Variants in TNKS observed in about 807,000 individuals in gnomAD.
The protein encoded by TNKS is poly [ADP-ribose] polymerase tankyrase-1.
Under a neutral mutation model 135.8 loss-of-function variants are expected in TNKS, and 72 were observed. The ratio of observed to expected loss-of-function variants is 0.53; its 90% CI spans 0.44 to 0.64. TNKS has a LOEUF of 0.64. Ranked by LOEUF, TNKS falls within the 30% of genes least tolerant of loss-of-function variation. TNKS has a pLI of 0.00. For missense variants in TNKS, 1,769 were observed against 1,674.0 expected (o/e 1.06, Z -0.99); for synonymous variants, 849 against 649.3 (o/e 1.31, Z -4.68).
At chr8:9,701,918 A>G (rs1479320129) in intron 5 of TNKS, among the ~76,000 whole-genome samples, 2 of 152,174 alleles carry the variant, frequency 1.3e-5, no homozygotes, top group African/African-American at 4.8e-5. Flanking sequence ...TGAGGCTAGT[A>G]AAAGAACCAC....
chr8:9,712,056 T>A (rs1005303278), intron 11 of TNKS, among the ~76,000 whole-genome samples: 4 of 152,242 alleles, frequency 2.6e-5, no homozygotes, highest in Non-Finnish European at 5.9e-5. Context: ...GCATAATTAG[T>A]AAATTACATT....
intron 20 of TNKS, among the ~76,000 whole-genome samples, chr8:9,757,601 G>A (rs993997623): frequency 6.6e-6 from 1 of 151,886 alleles, no homozygotes; most frequent in Non-Finnish European, 1.5e-5. Context: ...CCTTGCAACC[G>A]TGACCAAGCA....
intron 26 of TNKS, among the ~76,000 whole-genome samples, chr8:9,771,030 G>C (rs904968716): frequency 1.3e-5 from 2 of 152,114 alleles, no homozygotes; most frequent in Non-Finnish European, 2.9e-5. Flanking sequence ...GTATTACTAT[G>C]ATCTCATGGT....
intron 2 of TNKS, among the ~76,000 whole-genome samples, chr8:9,612,145 A>C (rs1229293401): frequency 6.6e-6 from 1 of 152,264 alleles, no homozygotes; most frequent in East Asian, 1.9e-4. Flanking sequence ...GGCCCAGAGA[A>C]TTTCTTGTGT....
intron 17 of TNKS, among the ~76,000 whole-genome samples, chr8:9,736,302 G>T (rs1411259643): frequency 7.0e-6 from 1 of 143,834 alleles, no homozygotes; most frequent in Non-Finnish European, 1.5e-5. Context: ...AAGATCGCTT[G>T]AGCCCAGGAG....
At position 9,751,737 on chromosome 8, in the gene TNKS, G is replaced by A. The variant is rs140368048; in HGVS notation, c.2961G>A (p.Ser987=). The A allele has an allele frequency of 3.5e-4, 568 of 1,614,098 alleles. 3 individuals are homozygous for A. In the African/African-American group the frequency reaches 6.2e-3, roughly 18 times the overall value. ...CAGCATCCACCCCCTCCTGCCTCTC[G>A]GCTGCCAGCAGCATAGACAACCTCA... ...ISPASTPSCL[S]AASSIDNLTG... is the part of the protein sequence containing the mutation. Residue 987 remains serine, a synonymous_variant, in exon 19 of 27, where the codon TCG becomes TCA. Coordinates refer to ENST00000310430, the MANE Select transcript of TNKS (RefSeq NM_003747.3).
chr8:9,764,691 T>A lies in TNKS; in HGVS notation c.3373-25T>A, dbSNP rs1182926444. The A allele has an allele frequency of 6.4e-6, 10 of 1,569,478 alleles. No individual in the cohort carries two copies. The East Asian group carries it at 2.3e-4, about 37-fold the overall frequency. ...AGAATTACACACTGGGATGTTTTTA[T>A]AAAATTAGTTATTTTGTTCTGTAGA... On this transcript the variant is annotated intron_variant, in intron 22 of 26. Coordinates refer to ENST00000310430, the MANE Select transcript of TNKS (RefSeq NM_003747.3).
At chr8:9,622,167 T>TTTA (rs2128767989) in intron 3 of TNKS, among the ~76,000 whole-genome samples, 1 of 152,326 alleles carries the variant, frequency 6.6e-6, no homozygotes, top group Admixed American at 6.5e-5. Context: ...TCACACCTTT[T>TTTA]AAAAAAGATT....
At chr8:9,660,114 A>C (rs936935399) in intron 3 of TNKS, among the ~76,000 whole-genome samples, 5 of 152,158 alleles carry the variant, frequency 3.3e-5, no homozygotes, top group Non-Finnish European at 5.9e-5. Context: ...CAACCAAAAA[A>C]AGTCCAGGAC....
chr8:9,754,202 T>C (rs1563212092), intron 20 of TNKS, among the ~76,000 whole-genome samples: 1 of 152,194 alleles, frequency 6.6e-6, no homozygotes. Context: ...AACATAGACG[T>C]ATCATTTTGA....
chr8:9,646,684 G>A (rs1455316173), intron 3 of TNKS, among the ~76,000 whole-genome samples: 1 of 152,148 alleles, frequency 6.6e-6, no homozygotes, highest in African/African-American at 2.4e-5. Context: ...ATCATACAGT[G>A]CATGGATATT....
chr8:9,696,632 C>T (rs943508043), intron 5 of TNKS, among the ~76,000 whole-genome samples: 9 of 152,094 alleles, frequency 5.9e-5, no homozygotes, highest in African/African-American at 2.2e-4. Context: ...GTACAAAAAT[C>T]AGTGGCATTT....
chr8:9,644,463 T>C (rs533825883), intron 3 of TNKS, among the ~76,000 whole-genome samples: 1 of 152,310 alleles, frequency 6.6e-6, no homozygotes, highest in African/African-American at 2.4e-5. Context: ...AACCTATATT[T>C]TCACTACTTC....
At chr8:9,764,068 A>C (rs901993460) in intron 22 of TNKS, among the ~76,000 whole-genome samples, 2 of 152,142 alleles carry the variant, frequency 1.3e-5, no homozygotes, top group African/African-American at 4.8e-5. Context: ...ACATTTTGAT[A>C]ACAATGTCAA....
In TNKS at chr8:9,733,381, A is replaced by G. The variant is rs535684781; in HGVS notation, c.2250A>G (p.Lys750=). Residue 750 remains lysine, a synonymous_variant, in exon 15 of 27, where the codon AAA becomes AAG. Transcript: ENST00000310430. ...CTGTCAATGTGGCGGACTTATGGAA[A>G]TTTACCCCTCTCCATGAAGCAGCAG... The part of the protein sequence containing the change: ...GASVNVADLW[K]FTPLHEAAAK... 5.0e-6 allele frequency: 8 copies of G among 1,613,474 alleles called. 1 individual carries two copies. Among genetic ancestry groups the G allele is most frequent in the Middle Eastern group, 1.7e-4 (1 of 6,058 alleles).
chr8:9,609,264 T>C (rs1212789789), intron 2 of TNKS, among the ~76,000 whole-genome samples: 1 of 152,210 alleles, frequency 6.6e-6, no homozygotes, highest in African/African-American at 2.4e-5. Context: ...CTCATTATCT[T>C]GGCTGTGCAC....
At chr8:9,559,481 C>T (rs1420963471) in intron 1 of TNKS, among the ~76,000 whole-genome samples, 2 of 151,860 alleles carry the variant, frequency 1.3e-5, no homozygotes, top group African/African-American at 4.8e-5. Flanking sequence ...ATTACATGTG[C>T]AGGTTTGTTA....
At chr8:9,623,259 A>G (rs1042265805) in intron 3 of TNKS, among the ~76,000 whole-genome samples, 1 of 152,182 alleles carries the variant, frequency 6.6e-6, no homozygotes, top group African/African-American at 2.4e-5. Flanking sequence ...CTGTATGGAA[A>G]GATGTAGTAT....
intron 1 of TNKS, chr8:9,575,252 AAT>A: frequency 2.0e-6 from 1 of 505,568 alleles, no homozygotes; most frequent in South Asian, 8.5e-5. Context: ...ACGCAGGGCT[AAT>A]TTTTTGTATA....
Sources: gnomAD v4.1 joint callset for allele counts (sites outside exome capture counted in the v4.1 genomes callset) on GRCh38, gnomAD v4.1.1 for gene constraint, MANE v1.5 for transcripts, NCBI Gene and HGNC (gene_info 2026-07-23, HGNC 2026-07-21) for gene names.